ACACB: variants seen among roughly 807,000 people sequenced by gnomAD.
ACACB encodes the protein acetyl-CoA carboxylase beta, also known as acetyl-CoA carboxylase 2.
In ACACB, 209 loss-of-function variants were observed where a neutral mutation model predicts 278.8. The ratio of observed to expected loss-of-function variants is 0.75; its 90% confidence interval spans 0.67 to 0.84. ACACB has a LOEUF of 0.84. ACACB is among the 40% of genes least tolerant of loss of function. The pLI is 0.00. For missense variants in ACACB, 2,850 were observed against 3,269.0 expected (o/e 0.87, Z 3.13); for synonymous variants, 1,174 against 1,285.6 (o/e 0.91, Z 1.86).
chr12:109,118,412 CTTTT>C (rs59488592), intron 1 of ACACB, among the ~76,000 whole-genome samples: 4 of 129,374 alleles, frequency 3.1e-5, no homozygotes. Flanking sequence ...TGACCTTGTT[CTTTT>C]TTTTTTTTTT....
intron 6 of ACACB, 22 bp downstream of exon 6, chr12:109,172,378 T>A: frequency 6.2e-7 from 1 of 1,609,096 alleles, no homozygotes; most frequent in Non-Finnish European, 8.5e-7. Context: ...CCCCATCAGA[T>A]ACATGGGAAT....
At chr12:109,157,498 T>G (rs1430006561) in intron 2 of ACACB, among the ~76,000 whole-genome samples, 1 of 152,080 alleles carries the variant, frequency 6.6e-6, no homozygotes, top group East Asian at 1.9e-4. Flanking sequence ...TCTTGAACTC[T>G]TGAGCTAAGC....
Position 109,264,280 on chromosome 12 carries a change from T to G in ACACB, c.6836T>G (p.Leu2279Arg), listed in dbSNP as rs766233619. 148 of 1,613,912 alleles carry G rather than the reference T, an allele frequency of 9.2e-5. 1 individual carries two copies. The highest frequency in any genetic ancestry group is 1.2e-4 in the Non-Finnish European group (143 of 1,179,994). Reference protein sequence around the residue: ...DKDRKDLEGRLKAREDLLLPI... With the variant: ...DKDRKDLEGRRKAREDLLLPI... ...GACCGAAAGGACCTGGAGGGCCGGC[T>G]AAAGGCTCGCGAGGACCTGCTGCTC... is the stretch of plus-strand genomic sequence containing the variant. Residue 2279 changes from leucine (L) to arginine (R), a missense_variant, in exon 50 of 53, where the codon CTA becomes CGA. Coordinates refer to ENST00000338432, the MANE Select transcript of ACACB (RefSeq NM_001093.4).
At chr12:109,242,269 C>T in intron 36 of ACACB, 168 bp from the exon 37 acceptor site, 1 of 669,962 alleles carries the variant, frequency 1.5e-6, no homozygotes, top group South Asian at 2.0e-5. Context: ...TCTGGCCCTC[C>T]ACAGTGGTGA....
chr12:109,198,716 G>A (rs2045225277), intron 17 of ACACB, among the ~76,000 whole-genome samples: 1 of 152,022 alleles, frequency 6.6e-6, no homozygotes, highest in South Asian at 2.1e-4. Flanking sequence ...AAACTCCTGG[G>A]CTCAAAGGAT....
rs2046938849 is a variant in ACACB, at chr12:109,246,214, C to T, written c.5337C>T (p.Thr1779=). 6.2e-7 allele frequency: 1 copy of T among 1,613,646 alleles called. No individual in the cohort carries two copies. The highest frequency in any genetic ancestry group is 8.5e-7 in the Non-Finnish European group (1 of 1,179,956). Residue 1779 remains threonine, a synonymous_variant, in exon 39 of 53, where the codon ACC becomes ACT. Coordinates refer to ENST00000338432, the MANE Select transcript of ACACB (RefSeq NM_001093.4). ...TGGCCTTCAAAATGAGGTTTAAGAC[C>T]CAGGAGTACCCGGAAGGACGGGATG... ...GMVAFKMRFK[T]QEYPEGRDVI...
intron 2 of ACACB, among the ~76,000 whole-genome samples, chr12:109,164,269 G>T (rs954377562): frequency 2.6e-5 from 4 of 152,012 alleles, no homozygotes; most frequent in Non-Finnish European, 5.9e-5. Flanking sequence ...GTCTCACTCT[G>T]TCGCCCAGGC....
At position 109,247,668 on chromosome 12, in the gene ACACB, C is replaced by T; in HGVS notation, c.5634C>T (p.Val1878=). 1.2e-6 allele frequency: 2 copies of T among 1,613,884 alleles called. No homozygotes were observed. The highest frequency in any genetic ancestry group is 1.7e-4 in the Middle Eastern group (1 of 6,054). Residue 1878 remains valine, a synonymous_variant, in exon 40 of 53, where the codon GTC becomes GTT. Coordinates refer to ENST00000338432, the MANE Select transcript of ACACB (RefSeq NM_001093.4). ...CCAGAATCAGCTCCCTGAACTCCGTCCACTGTAAACACATCGAGGAAGGAG... is the reference window on the plus strand; with the variant it reads ...CCAGAATCAGCTCCCTGAACTCCGTTCACTGTAAACACATCGAGGAAGGAG... ...DYTRISSLNS[V]HCKHIEEGGE...
At chr12:109,154,531 G>A (rs886749866) in intron 2 of ACACB, among the ~76,000 whole-genome samples, 1 of 151,622 alleles carries the variant, frequency 6.6e-6, no homozygotes, top group Admixed American at 6.6e-5. Flanking sequence ...TTCGGCTGCC[G>A]AAGCTCAGCG....
At chr12:109,165,208 A>G (rs1478264027) in intron 2 of ACACB, among the ~76,000 whole-genome samples, 1 of 152,146 alleles carries the variant, frequency 6.6e-6, no homozygotes, top group African/African-American at 2.4e-5. Context: ...AGGAAAGGCA[A>G]AGGGAATTCT....
chr12:109,235,663 A>C lies in ACACB; in HGVS notation c.4446+16A>C. The C allele has an allele frequency of 6.2e-7, 1 of 1,605,192 alleles. No individual in the cohort carries two copies. Among genetic ancestry groups the C allele is most frequent in the East Asian group, 2.2e-5 (1 of 44,840 alleles). On this transcript the variant is annotated intron_variant, in intron 33 of 52. Transcript: ENST00000338432. ...AAGAGATGAGGTATGGCCAAAAGTA[A>C]TGATGTTTTCTCTTCTCTAGCATCT...
At chr12:109,175,885 T>TG in intron 7 of ACACB, 46 bp from the exon 8 acceptor site, 1 of 1,562,460 alleles carries the variant, frequency 6.4e-7, no homozygotes. Flanking sequence ...GTTGTGTGTG[T>TG]TTCTCCTGGA....
rs1593365596 is a variant in ACACB at position 109,129,662 on chromosome 12, T to C, written c.-9-9735T>C. On this transcript the variant is annotated intron_variant, in intron 1 of 52. Coordinates refer to ENST00000338432, the MANE Select transcript of ACACB (RefSeq NM_001093.4). ...CCATGCTGCTGAAAGCCCAGAGACT[T>C]TCCCCTTTGGAAAAATGCCTGCCCC... Among the ~76,000 whole-genome samples, 3 of 152,346 alleles carry C rather than the reference T, an allele frequency of 2.0e-5. No homozygotes were observed. The South Asian group carries it at 6.2e-4, about 32-fold the overall frequency.
chr12:109,158,543 G>A (rs768191765), intron 2 of ACACB, among the ~76,000 whole-genome samples: 1 of 152,176 alleles, frequency 6.6e-6, no homozygotes, highest in Non-Finnish European at 1.5e-5. Flanking sequence ...GGGCATGGTG[G>A]TGCACACCTG....
In ACACB at chr12:109,188,070, C is replaced by CA. The variant is rs763207172; in HGVS notation, c.2053dup (p.Ser685LysfsTer47). The CA allele has an allele frequency of 8.2e-5, 133 of 1,613,662 alleles. No individual in the cohort carries two copies. Among genetic ancestry groups the CA allele is most frequent in the Non-Finnish European group, 1.1e-4 (129 of 1,179,696 alleles). ...GCAGCAAGAACGTGTGGGGTTACTT[C>CA]AGCGTGGCCGCTACTGGAGGCCTGC... On this transcript the variant is annotated frameshift_variant, in exon 13 of 53. Transcript: ENST00000338432. LOFTEE classifies it high-confidence loss of function.
intron 33 of ACACB, chr12:109,236,233 C>T (rs1304896061): frequency 6.5e-6 from 1 of 152,824 alleles, no homozygotes; most frequent in Non-Finnish European, 1.5e-5. Context: ...TGCAGTCTTC[C>T]TCTGGGATTG....
chr12:109,150,784 T>C (rs1215470452), intron 2 of ACACB, among the ~76,000 whole-genome samples: 2 of 152,144 alleles, frequency 1.3e-5, no homozygotes, highest in African/African-American at 4.8e-5. Flanking sequence ...AAGGAACAGG[T>C]CAGGAAACTA....
intron 18 of ACACB, among the ~76,000 whole-genome samples, chr12:109,200,955 T>TG (rs1014765974): frequency 3.4e-4 from 52 of 152,038 alleles, no homozygotes; most frequent in African/African-American, 1.0e-3. Flanking sequence ...GAGGTATTGG[T>TG]GGGGGCAGTT....
chr12:109,179,394 A>G, intron 10 of ACACB, 97 bp downstream of exon 10: 1 of 1,302,396 alleles, frequency 7.7e-7, no homozygotes, highest in Admixed American at 2.0e-5. Flanking sequence ...GAATGGTGGC[A>G]TGGGTGCCTA....
Sources: allele counts gnomAD v4.1 joint callset (sites outside exome capture counted in the v4.1 genomes callset), GRCh38; gene constraint gnomAD v4.1.1; transcripts MANE v1.5; gene names NCBI Gene and HGNC (gene_info 2026-07-23, HGNC 2026-07-21).